The following SLC24A2 variants were observed in gnomAD, a reference collection of about 807,000 sequenced individuals.
SLC24A2 encodes sodium/potassium/calcium exchanger 2.
Under a neutral mutation model 62.0 loss-of-function variants are expected in SLC24A2, and 36 were observed. The observed-to-expected ratio is 0.58, with a 90% confidence interval of 0.44 to 0.77. SLC24A2 has a LOEUF of 0.77. SLC24A2 is among the 30% of genes least tolerant of loss of function. The pLI is 0.00. For synonymous variants in SLC24A2, 358 were observed against 294.0 expected (o/e 1.22, Z -2.23); for missense variants, 846 against 817.9 (o/e 1.03, Z -0.42).
At chr9:20,255,559 T>G in the SLC24A2 span, among the ~76,000 whole-genome samples, 8 of 152,166 alleles carry the variant, frequency 5.3e-5, no homozygotes, top group African/African-American at 1.9e-4. Flanking sequence ...TTCACTCACA[T>G]TGTCTGAGAG....
chr9:20,241,988 G>C, the SLC24A2 span, among the ~76,000 whole-genome samples: 1 of 152,130 alleles, frequency 6.6e-6, no homozygotes, highest in African/African-American at 2.4e-5. Flanking sequence ...GAATCTTCTT[G>C]AAATTCTAAT....
chr9:19,770,718 T>C (rs1822661026), intron 2 of SLC24A2, among the ~76,000 whole-genome samples: 3 of 152,238 alleles, frequency 2.0e-5, no homozygotes, highest in African/African-American at 7.2e-5. Flanking sequence ...GATAGGTTTA[T>C]AGAAACTAAA....
chr9:19,954,697 C>G, the SLC24A2 span, among the ~76,000 whole-genome samples: 1 of 151,918 alleles, frequency 6.6e-6, no homozygotes, highest in African/African-American at 2.4e-5. Context: ...AATAGCATAA[C>G]CAGGTCTTAT....
the SLC24A2 span, among the ~76,000 whole-genome samples, chr9:19,937,027 CA>C: frequency 1.3e-5 from 2 of 151,858 alleles, no homozygotes. Context: ...AAGCAAAAAC[CA>C]AAAAGTCAGG....
chr9:20,202,140 A>G, the SLC24A2 span, among the ~76,000 whole-genome samples: 1 of 150,890 alleles, frequency 6.6e-6, no homozygotes, highest in Non-Finnish European at 1.5e-5. Context: ...GATGCCCGCA[A>G]ATTGCTGAGA....
rs150015749 is a variant in SLC24A2 at position 19,722,094 on chromosome 9, G to T, written c.930+63843C>A. On this transcript the variant is annotated intron_variant, in intron 2 of 10. Transcript: ENST00000341998. ...CCTGTCAGATGCTATTATAGTTTTC[G>T]TACATGTTACTTCCATGGTCATGCT... 1.4e-4 allele frequency among the ~76,000 whole-genome samples: 22 copies of T among 152,174 alleles called. No individual in the cohort carries two copies. In the East Asian group the frequency reaches 4.2e-3, roughly 29 times the overall value.
At chr9:19,726,905 G>A (rs1821188651) in intron 2 of SLC24A2, among the ~76,000 whole-genome samples, 1 of 152,118 alleles carries the variant, frequency 6.6e-6, no homozygotes. Context: ...GGTACATTTT[G>A]TTTTTTCCTT....
chr9:19,933,903 AT>A, the SLC24A2 span, among the ~76,000 whole-genome samples: 1 of 152,326 alleles, frequency 6.6e-6, no homozygotes, highest in Admixed American at 6.5e-5. Flanking sequence ...TTTATGTGAG[AT>A]TCCCCAAACA....
the SLC24A2 span, among the ~76,000 whole-genome samples, chr9:20,263,409 T>C: frequency 5.3e-4 from 81 of 152,068 alleles, no homozygotes; most frequent in Non-Finnish European, 7.6e-4. Context: ...GCACCACACC[T>C]GGCTATTTTT....
the SLC24A2 span, among the ~76,000 whole-genome samples, chr9:20,184,333 G>C: frequency 0.1 from 15,311 of 152,138 alleles, 1,458 homozygotes; most frequent in East Asian, 0.47. Flanking sequence ...GGCAGACCAC[G>C]AGATCAAGAG....
the SLC24A2 span, among the ~76,000 whole-genome samples, chr9:20,013,379 C>T: frequency 1.6e-3 from 249 of 152,182 alleles, 1 homozygote; most frequent in Middle Eastern, 6.8e-3. Context: ...AAAATTAGAG[C>T]CTTATAGCCT....
chr9:19,868,114 G>T, the SLC24A2 span, among the ~76,000 whole-genome samples: 1 of 151,600 alleles, frequency 6.6e-6, no homozygotes, highest in Non-Finnish European at 1.5e-5. Context: ...TCTGACATAG[G>T]TGCTTAAAAC....
the SLC24A2 span, among the ~76,000 whole-genome samples, chr9:20,233,045 T>A: frequency 4.6e-5 from 7 of 152,080 alleles, no homozygotes; most frequent in East Asian, 1.9e-4. Context: ...TTTGAGTGAG[T>A]TTCTTAATCC....
At chr9:19,691,477 T>C (rs1820044664) in intron 2 of SLC24A2, among the ~76,000 whole-genome samples, 1 of 152,144 alleles carries the variant, frequency 6.6e-6, no homozygotes, top group Non-Finnish European at 1.5e-5. Flanking sequence ...GATGGTTGTG[T>C]TCATTTGCCC....
At chr9:20,039,441 G>A in the SLC24A2 span, among the ~76,000 whole-genome samples, 2 of 152,052 alleles carry the variant, frequency 1.3e-5, no homozygotes, top group Non-Finnish European at 2.9e-5. Flanking sequence ...TCTGGAAGGT[G>A]CAAGAACAAT....
At chr9:20,184,274 G>A in the SLC24A2 span, among the ~76,000 whole-genome samples, 1 of 152,212 alleles carries the variant, frequency 6.6e-6, no homozygotes, top group Non-Finnish European at 1.5e-5. Flanking sequence ...GATAGGCTGG[G>A]TGCAGAGGCT....
At chr9:20,240,557 C>T in the SLC24A2 span, among the ~76,000 whole-genome samples, 1 of 152,188 alleles carries the variant, frequency 6.6e-6, no homozygotes, top group East Asian at 1.9e-4. Context: ...CCAAACTAAG[C>T]AGCTTCCTTT....
At chr9:19,961,538 TG>T in the SLC24A2 span, among the ~76,000 whole-genome samples, 1 of 152,206 alleles carries the variant, frequency 6.6e-6, no homozygotes, top group Non-Finnish European at 1.5e-5. Context: ...CTCTATGGCA[TG>T]GCCCCACACT....
At chr9:20,033,853 G>C in the SLC24A2 span, among the ~76,000 whole-genome samples, 1 of 152,180 alleles carries the variant, frequency 6.6e-6, no homozygotes, top group Non-Finnish European at 1.5e-5. Context: ...CCTACCAGCA[G>C]CCCTTAGGGC....
Sources: allele counts gnomAD v4.1 joint callset (sites outside exome capture counted in the v4.1 genomes callset), GRCh38; gene constraint gnomAD v4.1.1; transcripts MANE v1.5; gene names NCBI Gene and HGNC (gene_info 2026-07-23, HGNC 2026-07-21).